SLC26A9: variants seen among roughly 807,000 people sequenced by gnomAD.
SLC26A9 encodes solute carrier family 26 member 9, also known as anion transporter/exchanger protein 9.
SLC26A9 carries 46 observed loss-of-function variants against 87.1 expected under a neutral mutation model. The ratio of observed to expected loss-of-function variants is 0.53; its 90% CI spans 0.42 to 0.67. The LOEUF (loss-of-function observed/expected upper bound fraction) is 0.67, where lower values mean the gene tolerates loss of function less well. Ranked by LOEUF, SLC26A9 falls within the 30% of genes least tolerant of loss-of-function variation. The pLI is 0.00. For synonymous variants in SLC26A9, 437 were observed against 409.1 expected, an observed-to-expected ratio of 1.07 and a Z score of -0.82; for missense variants, 927 against 1,018.3, an observed-to-expected ratio of 0.91 and a Z score of 1.22.
In SLC26A9 at chr1:205,921,629, G is replaced by A; in HGVS notation, c.1992C>T (p.Thr664=). Reference sequence around the variant, plus strand: ...TGACTCCACTCATGTCCAGGATGAGGGTGTGGAAGGTGACGAAGGGTGGGA... The same window carrying A: ...TGACTCCACTCATGTCCAGGATGAGAGTGTGGAAGGTGACGAAGGGTGGGA... ...ASVPPFVTFH[T]LILDMSGVSF... is the part of the protein sequence containing the mutation. Residue 664 remains threonine, a synonymous_variant, in exon 17 of 21, where the codon ACC becomes ACT. Transcript: ENST00000367135. 4 of 1,611,058 alleles carry A rather than the reference G, an allele frequency of 2.5e-6. No homozygotes were observed. The highest frequency in any genetic ancestry group is 3.4e-6 in the Non-Finnish European group (4 of 1,178,886).
chr1:205,928,836 A>C lies in SLC26A9; in HGVS notation c.944T>G (p.Ile315Ser). The change falls in exon 8 of 21, where the codon ATC becomes AGC. Residue 315 changes from isoleucine (I) to serine (S), a missense_variant. Ile to Ser is a moderately radical substitution (Grantham distance 142). Coordinates refer to ENST00000367135, the MANE Select transcript of SLC26A9 (RefSeq NM_052934.4). ...KKYHMQIVGE[I>S]QRGFPTPVSP... ...GGCCACCTGGACTCACCCGCGTTGG[A>C]TTTCTCCCACGATCTGCATGTGATA... 6.2e-7 allele frequency: 1 copy of C among 1,613,978 alleles called. No homozygotes were observed. The highest frequency in any genetic ancestry group is 8.5e-7 in the Non-Finnish European group (1 of 1,179,998).
rs779521781 is a variant in SLC26A9 at position 205,917,300 on chromosome 1, A to G, written c.2311T>C (p.Tyr771His). ...LYDSEEDIRS[Y>H]WDLEQEMFGS... is the part of the protein sequence containing the mutation. ...CAGCTCACCTGCTCTAAGTCCCAGT[A>G]GCTGCGAATGTCCTCCTCTGAGTCG... Residue 771 changes from tyrosine to histidine, a missense_variant, in exon 20 of 21, where the codon TAC becomes CAC. Transcript: ENST00000367135. 1.2e-6 allele frequency: 2 copies of G among 1,613,860 alleles called. No individual in the cohort carries two copies. Among genetic ancestry groups the G allele is most frequent in the East Asian group, 2.2e-5 (1 of 44,874 alleles).
rs750868673 is a variant in SLC26A9 at position 205,923,354 on chromosome 1, C to T, written c.1640G>A (p.Arg547Lys). ...PLYFANSEIF[R>K]QKVIAKTGMD... ...CCTTACCTTGGCGATGACCTTTTGC[C>T]TGAAGATCTCTGAGTTGGCAAAGTA... The change falls in exon 15 of 21, where the codon AGG becomes AAG. Residue 547 changes from arginine (R) to lysine (K), a missense_variant. Arg to Lys is a conservative substitution (Grantham distance 26, BLOSUM62 2). Transcript: ENST00000367135. 1.8e-5 allele frequency: 29 copies of T among 1,614,058 alleles called. No homozygotes were observed. The East Asian group carries it at 6.0e-4, about 33-fold the overall frequency.
chr1:205,922,432 A>G (rs12131280), intron 16 of SLC26A9, among the ~76,000 whole-genome samples: 34,128 of 152,222 alleles, frequency 0.22, 5,776 homozygotes, highest in African/African-American at 0.47. Flanking sequence ...GATTACTGCC[A>G]TGGCCACCCC....
chr1:205,927,692 G>A (rs1454599103), intron 9 of SLC26A9, 87 bp from the exon 10 acceptor site: 4 of 1,420,296 alleles, frequency 2.8e-6, no homozygotes, highest in Admixed American at 3.9e-5. Context: ...CTGGACTGTG[G>A]GCCTAAGACC....
At position 205,918,928 on chromosome 1, in the gene SLC26A9, C is replaced by T; in HGVS notation, c.2168G>A (p.Cys723Tyr). 6.2e-7 allele frequency: 1 copy of T among 1,614,214 alleles called. No individual in the cohort carries two copies. The highest frequency in any genetic ancestry group is 8.5e-7 in the Non-Finnish European group (1 of 1,180,022). The part of the protein sequence containing the change: ...GGVFEDGSLE[C>Y]KHVFPSIHDA... ...ATGTATGCTGGGAAAGACGTGCTTG[C>T]ATTCTAGACTCCCATCCTCAAAGAC... is the stretch of plus-strand genomic sequence containing the variant. The change falls in exon 19 of 21, where the codon TGC becomes TAC. Residue 723 changes from cysteine (C) to tyrosine (Y), a missense_variant. By Grantham distance (194) the Cys-to-Tyr change is radical. Transcript: ENST00000367135.
chr1:205,928,430 C>T (rs1023375512), intron 8 of SLC26A9: 12 of 378,670 alleles, frequency 3.2e-5, no homozygotes, highest in East Asian at 2.6e-4. Flanking sequence ...CACCCCTCTC[C>T]TCCCAGGGCC....
chr1:205,933,124 G>A, intron 2 of SLC26A9, 40 bp from the exon 3 acceptor site: 1 of 1,612,982 alleles, frequency 6.2e-7, no homozygotes, highest in South Asian at 1.1e-5. Context: ...GGCTCTGCAT[G>A]GCTTGGACAT....
At chr1:205,927,097 G>T in intron 11 of SLC26A9, 114 bp downstream of exon 11, 2 of 1,060,674 alleles carry the variant, frequency 1.9e-6, no homozygotes, top group Non-Finnish European at 2.9e-6. Context: ...GTTTGTGGTT[G>T]AGACTAAGTG....
chr1:205,919,078 G>T, intron 18 of SLC26A9, 93 bp from the exon 19 acceptor site: 2 of 1,505,748 alleles, frequency 1.3e-6, no homozygotes, highest in Non-Finnish European at 1.8e-6. Flanking sequence ...GCAGGGATGG[G>T]AGAGGCCTGA....
chr1:205,923,013 G>C (rs1658905033), intron 16 of SLC26A9, 69 bp downstream of exon 16: 1 of 1,469,080 alleles, frequency 6.8e-7, no homozygotes, highest in Admixed American at 1.7e-5. Flanking sequence ...AGGGTACCAT[G>C]AGTAACAGGG....
At position 205,931,938 on chromosome 1, in the gene SLC26A9, GCT is replaced by G; in HGVS notation, c.472_473del (p.Ser158LeufsTer10). 1.2e-6 allele frequency: 2 copies of G among 1,614,250 alleles called. No individual in the cohort carries two copies. Among genetic ancestry groups the G allele is most frequent in the Non-Finnish European group, 1.7e-6 (2 of 1,180,050 alleles). On this transcript the variant is annotated frameshift_variant, in exon 5 of 21. Coordinates refer to ENST00000367135, the MANE Select transcript of SLC26A9 (RefSeq NM_052934.4). LOFTEE classifies it high-confidence loss of function. ...CCTCCATGGCTGCTGTGTCCACATA[GCT>G]CTCATTGGTGGCATTGTTGAAGACC... ...FQVFNNATNE[S>X]YVDTAAMEAE...
intron 18 of SLC26A9, 147 bp from the exon 19 acceptor site, chr1:205,919,132 G>T: frequency 1.0e-6 from 1 of 994,782 alleles, no homozygotes; most frequent in Non-Finnish European, 1.5e-6. Flanking sequence ...CATTGGCAGT[G>T]CAATATCAGT....
Position 205,921,672 on chromosome 1 carries a change from C to T in SLC26A9, c.1949G>A (p.Ser650Asn), listed in dbSNP as rs761182116. 11 of 1,599,814 alleles carry T rather than the reference C, an allele frequency of 6.9e-6. No individual in the cohort carries two copies. Among genetic ancestry groups the T allele is most frequent in the African/African-American group, 1.3e-5 (1 of 74,520 alleles). ...PASAEAPGEP[S>N]DMLASVPPFV... ...GGGTGGGACGCTGGCCAGCATGTCA[C>T]TGGGCTCGCCGGGGGCCTCAGCGGA... Residue 650 changes from serine (S) to asparagine (N), a missense_variant, in exon 17 of 21, where the codon AGT (serine) becomes AAT (asparagine). Coordinates refer to ENST00000367135, the MANE Select transcript of SLC26A9 (RefSeq NM_052934.4).
At chr1:205,933,945 T>C (rs1659409631) in intron 2 of SLC26A9, among the ~76,000 whole-genome samples, 1 of 152,128 alleles carries the variant, frequency 6.6e-6, no homozygotes. Context: ...AGCCGGTGGA[T>C]TGATGACTGG....
In SLC26A9 at chr1:205,914,585, G is replaced by A; in HGVS notation, c.*772C>T. ...CTTTGGGGTTTCTAGCCAGCCTCCA[G>A]GGGAAGGGAGCAGCCTCTGAGGGCA... On this transcript the variant is annotated 3_prime_UTR_variant, in exon 21 of 21. Coordinates refer to ENST00000367135, the MANE Select transcript of SLC26A9 (RefSeq NM_052934.4). 1 of 321,082 alleles carries A rather than the reference G, an allele frequency of 3.1e-6. No homozygotes were observed. Among genetic ancestry groups the A allele is most frequent in the African/African-American group, 2.1e-5 (1 of 47,932 alleles). The allele number at this position is 321,082 out of a possible 1,614,324, so 19.9% of individuals were successfully genotyped here.
intron 13 of SLC26A9, among the ~76,000 whole-genome samples, chr1:205,923,904 TC>T (rs1385963869): frequency 6.6e-6 from 1 of 152,126 alleles, no homozygotes; most frequent in Non-Finnish European, 1.5e-5. Flanking sequence ...ATTTCCTTGT[TC>T]TGAGTTCTCA....
intron 1 of SLC26A9, among the ~76,000 whole-genome samples, chr1:205,942,561 G>A (rs1659793425): frequency 6.6e-6 from 1 of 152,216 alleles, no homozygotes; most frequent in Non-Finnish European, 1.5e-5. Flanking sequence ...CTCTGGGCTG[G>A]TTTTGAGGAA....
In SLC26A9 at chr1:205,923,200, A is replaced by G. The variant is rs777020212; in HGVS notation, c.1660-5T>C. 2.5e-6 allele frequency: 4 copies of G among 1,614,012 alleles called. No homozygotes were observed. Among genetic ancestry groups the G allele is most frequent in the Non-Finnish European group, 2.5e-6 (3 of 1,179,964 alleles). On this transcript the variant is annotated splice_polypyrimidine_tract_variant and splice_region_variant and intron_variant, in intron 15 of 20. Coordinates refer to ENST00000367135, the MANE Select transcript of SLC26A9 (RefSeq NM_052934.4). ...TTTCTGGGGGTCCATGCCTGTCTGC[A>G]GGGAGAGAGCCAACAGCAATCTTGA...
Sources: gnomAD v4.1 joint callset for allele counts (sites outside exome capture counted in the v4.1 genomes callset) on GRCh38, gnomAD v4.1.1 for gene constraint, MANE v1.5 for transcripts, NCBI Gene and HGNC (gene_info 2026-07-23, HGNC 2026-07-21) for gene names.